The following ALK variants were observed in gnomAD, a reference collection of about 807,000 sequenced individuals.
ALK encodes ALK tyrosine kinase receptor.
ALK carries 74 observed loss-of-function variants against 163.1 expected under a neutral mutation model. That is an observed-to-expected ratio of 0.45 (90% CI 0.38 to 0.55). ALK has a LOEUF of 0.55. ALK is among the 20% of genes least tolerant of loss of function. ALK has a pLI of 0.00. For missense variants in ALK, 2,063 were observed against 2,105.3 expected (o/e 0.98, Z 0.39); for synonymous variants, 960 against 843.2 (o/e 1.14, Z -2.40).
At chr2:29,441,654 C>A (rs1279337514) in intron 4 of ALK, among the ~76,000 whole-genome samples, 1 of 152,056 alleles carries the variant, frequency 6.6e-6, no homozygotes, top group Non-Finnish European at 1.5e-5. Context: ...TAACATCTGC[C>A]CTGGGGTAAC....
chr2:29,438,030 C>T (rs1009696550), intron 4 of ALK, among the ~76,000 whole-genome samples: 1 of 150,140 alleles, frequency 6.7e-6, no homozygotes, highest in Non-Finnish European at 1.5e-5. Context: ...TGGTTGAAGG[C>T]TATTCTCCCA....
At chr2:29,537,422 A>T (rs1431966633) in intron 3 of ALK, among the ~76,000 whole-genome samples, 1 of 152,180 alleles carries the variant, frequency 6.6e-6, no homozygotes, top group African/African-American at 2.4e-5. Flanking sequence ...TCCAGACACC[A>T]CTTTGGATAA....
chr2:29,665,209 A>G (rs1002171926), intron 3 of ALK, among the ~76,000 whole-genome samples: 89 of 150,818 alleles, frequency 5.9e-4, no homozygotes, highest in African/African-American at 2.1e-3. Flanking sequence ...TTGATCTCAA[A>G]CTCCTGGACT....
intron 2 of ALK, among the ~76,000 whole-genome samples, chr2:29,697,593 C>A (rs1678610507): frequency 6.6e-6 from 1 of 152,132 alleles, no homozygotes; most frequent in African/African-American, 2.4e-5. Flanking sequence ...AAATGTTCAA[C>A]CACCTCTTAC....
At chr2:29,844,891 AGG>A (rs1325231947) in intron 1 of ALK, among the ~76,000 whole-genome samples, 7 of 151,090 alleles carry the variant, frequency 4.6e-5, no homozygotes, top group African/African-American at 1.2e-4. Context: ...ACACACACAG[AGG>A]CACACACACA....
intron 25 of ALK, among the ~76,000 whole-genome samples, chr2:29,208,646 G>A (rs1303734895): frequency 6.6e-6 from 1 of 152,098 alleles, no homozygotes; most frequent in African/African-American, 2.4e-5. Flanking sequence ...TCACCCCTGT[G>A]GGGACTGTTA....
rs764123976 is a variant in ALK at position 29,222,364 on chromosome 2, G to A, written c.3495C>T (p.Leu1165=). 1.9e-6 allele frequency: 3 copies of A among 1,614,126 alleles called. No homozygotes were observed. The highest frequency in any genetic ancestry group is 1.3e-5 in the African/African-American group (1 of 75,046). The change falls in exon 22 of 29, where the codon CTC becomes CTT. Residue 1165 remains leucine, a synonymous_variant. Coordinates refer to ENST00000389048, the MANE Select transcript of ALK (RefSeq NM_004304.5). ...VCSEQDELDF[L]MEALIISKFN... ...TTTACCTGATGATCAGGGCTTCCAT[G>A]AGGAAATCCAGTTCGTCCTGTTCAG...
chr2:29,752,133 G>A (rs893304751), intron 1 of ALK, among the ~76,000 whole-genome samples: 1 of 152,220 alleles, frequency 6.6e-6, no homozygotes, highest in East Asian at 1.9e-4. Context: ...TTATGATGGT[G>A]CAAAAGCTAT....
chr2:29,568,212 T>C (rs538296701), intron 3 of ALK, among the ~76,000 whole-genome samples: 85 of 152,322 alleles, frequency 5.6e-4, no homozygotes, highest in African/African-American at 2.0e-3. Context: ...AGCACTGAAC[T>C]GAAAAAGTGG....
At chr2:29,244,081 G>A (rs189065456) in intron 12 of ALK, among the ~76,000 whole-genome samples, 7 of 152,262 alleles carry the variant, frequency 4.6e-5, no homozygotes, top group Non-Finnish European at 1.5e-5. Flanking sequence ...CACAGCTGGT[G>A]TGTAGCACAT....
intron 5 of ALK, among the ~76,000 whole-genome samples, chr2:29,339,040 C>G (rs537877003): frequency 8.5e-4 from 130 of 152,208 alleles, no homozygotes; most frequent in African/African-American, 3.0e-3. Flanking sequence ...GTGGGGAGTT[C>G]AAGACCAGCC....
At chr2:29,815,790 C>G (rs1664880704) in intron 1 of ALK, among the ~76,000 whole-genome samples, 1 of 152,190 alleles carries the variant, frequency 6.6e-6, no homozygotes, top group Admixed American at 6.5e-5. Context: ...GCCCCTGAGA[C>G]ACTGACCCAA....
chr2:29,309,927 G>T (rs1666652819), intron 8 of ALK, among the ~76,000 whole-genome samples: 1 of 152,130 alleles, frequency 6.6e-6, no homozygotes, highest in Admixed American at 6.5e-5. Context: ...ACTTCCTCAT[G>T]CCTGAGTAAC....
At chr2:29,271,989 G>C (rs1665401002) in intron 11 of ALK, among the ~76,000 whole-genome samples, 1 of 152,202 alleles carries the variant, frequency 6.6e-6, no homozygotes, top group South Asian at 2.1e-4. Flanking sequence ...GAAGGATAGA[G>C]GGGTAGGGAG....
At chr2:29,355,485 C>G (rs1225927953) in intron 5 of ALK, among the ~76,000 whole-genome samples, 1 of 152,018 alleles carries the variant, frequency 6.6e-6, no homozygotes, top group African/African-American at 2.4e-5. Flanking sequence ...ACACCCACCA[C>G]ACACAGACAC....
chr2:29,358,842 T>G (rs1668317631), intron 5 of ALK, among the ~76,000 whole-genome samples: 1 of 152,192 alleles, frequency 6.6e-6, no homozygotes, highest in Admixed American at 6.5e-5. Flanking sequence ...TCATAGATCC[T>G]TCCTCCTTAC....
intron 4 of ALK, among the ~76,000 whole-genome samples, chr2:29,524,347 A>C (rs1672897814): frequency 6.6e-6 from 1 of 152,238 alleles, no homozygotes; most frequent in South Asian, 2.1e-4. Flanking sequence ...GCTTTTCCTG[A>C]CTGGATAAGA....
At chr2:29,732,061 A>G (rs1679757913) in intron 1 of ALK, among the ~76,000 whole-genome samples, 1 of 152,190 alleles carries the variant, frequency 6.6e-6, no homozygotes, top group South Asian at 2.1e-4. Context: ...TGGAATCCTC[A>G]TCTTCAAGAA....
chr2:29,419,842 T>C (rs1669973595), intron 4 of ALK, among the ~76,000 whole-genome samples: 1 of 151,382 alleles, frequency 6.6e-6, no homozygotes, highest in Non-Finnish European at 1.5e-5. Flanking sequence ...TGAACCAAAA[T>C]GCATGCTGAC....
Sources: gnomAD v4.1 joint callset for allele counts (sites outside exome capture counted in the v4.1 genomes callset) on GRCh38, gnomAD v4.1.1 for gene constraint, MANE v1.5 for transcripts, NCBI Gene and HGNC (gene_info 2026-07-23, HGNC 2026-07-21) for gene names.